HMCN2: variants seen among roughly 807,000 people sequenced by gnomAD.
HMCN2 encodes the protein hemicentin-2.
A neutral mutation model predicts 377.5 loss-of-function variants in HMCN2; 325 were observed. The observed-to-expected ratio is 0.86, with a 90% CI of 0.79 to 0.94. The LOEUF is 0.94. HMCN2 is among the 40% of genes least tolerant of loss of function. HMCN2 has a pLI of 0.00. For synonymous variants in HMCN2, 2,007 were observed against 2,046.8 expected (o/e 0.98, Z 0.53); for missense variants, 4,543 against 4,725.3 (o/e 0.96, Z 1.13).
chr9:130,342,757 A>C (rs945250836), intron 25 of HMCN2, among the ~76,000 whole-genome samples: 71 of 152,156 alleles, frequency 4.7e-4, no homozygotes, highest in Admixed American at 3.9e-3. Flanking sequence ...TGTGATCGCC[A>C]GGGCTGAGGC....
At position 130,377,829 on chromosome 9, in the gene HMCN2, G is replaced by T. The variant is rs566495310; in HGVS notation, c.8212+30G>T. On this transcript the variant is annotated intron_variant, in intron 53 of 97. Transcript: ENST00000683500. ...GTGGCGCCAGTGGGCCAGGGGTGGGGCGTCAGCCAGTGTGAGGACATTGTG... is the reference window on the plus strand; with the variant it reads ...GTGGCGCCAGTGGGCCAGGGGTGGGTCGTCAGCCAGTGTGAGGACATTGTG... 8 of 985,962 alleles carry T rather than the reference G, an allele frequency of 8.1e-6. No individual in the cohort carries two copies. In the South Asian group the frequency reaches 1.4e-4, roughly 17 times the overall value. The allele number at this position is 985,962 out of a possible 1,614,324, so 61.1% of individuals were successfully genotyped here.
In HMCN2 at chr9:130,425,691, T is replaced by C; in HGVS notation, c.13646T>C (p.Phe4549Ser). 6.9e-7 allele frequency: 1 copy of C among 1,449,944 alleles called. No homozygotes were observed. Among genetic ancestry groups the C allele is most frequent in the Non-Finnish European group, 9.3e-7 (1 of 1,080,022 alleles). 89.8% of individuals were successfully genotyped at this position (1,449,944 alleles called of 1,614,324 possible). The change falls in exon 90 of 98, where the codon TTT (phenylalanine) becomes TCT (serine). Residue 4549 changes from phenylalanine (F) to serine (S), a missense_variant. Physicochemically the swap from Phe to Ser is radical, Grantham distance 155. Transcript: ENST00000683500. ...CCCCTCCTCTTCATCCTGCAGGACT[T>C]TGAGGAGCACTACGTGCAAACAGGG... Reference protein sequence around the residue: ...LADADLQVQDFEEHYVQTGPG... With the variant: ...LADADLQVQDSEEHYVQTGPG...
At chr9:130,312,366 G>A (rs1355971395) in intron 15 of HMCN2, among the ~76,000 whole-genome samples, 8 of 151,982 alleles carry the variant, frequency 5.3e-5, no homozygotes, top group Admixed American at 4.6e-4. Context: ...GGTTCTGGGT[G>A]AGCAGATAGG....
chr9:130,288,134 G>C (rs1835521970), intron 4 of HMCN2, among the ~76,000 whole-genome samples: 1 of 152,176 alleles, frequency 6.6e-6, no homozygotes, highest in South Asian at 2.1e-4. Flanking sequence ...ATGGGAACTT[G>C]GTTCCTGCCA....
At chr9:130,375,535 T>C in intron 49 of HMCN2, 28 bp from the exon 50 acceptor site, 1 of 985,484 alleles carries the variant, frequency 1.0e-6, no homozygotes, top group Non-Finnish European at 1.2e-6. Flanking sequence ...TCTCTGCTCA[T>C]AACTGCCTCC....
intron 1 of HMCN2, among the ~76,000 whole-genome samples, chr9:130,267,411 C>G (rs1186506925): frequency 7.5e-6 from 1 of 133,226 alleles, no homozygotes; most frequent in Non-Finnish European, 1.6e-5. Flanking sequence ...AACAAACAAA[C>G]AAACAAACAA....
At chr9:130,278,357 C>T (rs1466409111) in intron 1 of HMCN2, among the ~76,000 whole-genome samples, 2 of 152,046 alleles carry the variant, frequency 1.3e-5, no homozygotes, top group African/African-American at 2.4e-5. Context: ...ATCTCCTGAC[C>T]TCGTGATCCG....
intron 43 of HMCN2, among the ~76,000 whole-genome samples, chr9:130,366,673 C>T (rs1313166125): frequency 2.6e-5 from 4 of 151,848 alleles, no homozygotes; most frequent in African/African-American, 7.3e-5. Flanking sequence ...AGGCTGGTCT[C>T]GAACTCCTGA....
At chr9:130,269,109 G>A (rs782713073) in intron 1 of HMCN2, among the ~76,000 whole-genome samples, 5 of 148,320 alleles carry the variant, frequency 3.4e-5, no homozygotes, top group Non-Finnish European at 6.0e-5. Flanking sequence ...CCCAAGAGGC[G>A]GGTGCGGGGC....
rs1449225916 is a variant in HMCN2, at chr9:130,397,670, G to A, written c.11326+15G>A. Reference sequence around the variant, plus strand: ...ACGGGTCTTGGGTAGGTGGCCTGGGGAAGGCCTTCAGTGTCCAGTCCCTGT... The same window carrying A: ...ACGGGTCTTGGGTAGGTGGCCTGGGAAAGGCCTTCAGTGTCCAGTCCCTGT... On this transcript the variant is annotated intron_variant, in intron 74 of 97. Coordinates refer to ENST00000683500, the MANE Select transcript of HMCN2 (RefSeq NM_001291815.2). The A allele has an allele frequency of 7.8e-7, 1 of 1,289,622 alleles. No individual in the cohort carries two copies. 79.9% of individuals were successfully genotyped at this position (1,289,622 alleles called of 1,614,324 possible).
At position 130,356,256 on chromosome 9, in the gene HMCN2, T is replaced by A; in HGVS notation, c.5424T>A (p.His1808Gln). 1 of 1,294,450 alleles carries A rather than the reference T, an allele frequency of 7.7e-7. No individual in the cohort carries two copies. The highest frequency in any genetic ancestry group is 1.0e-6 in the Non-Finnish European group (1 of 985,772). The allele number at this position is 1,294,450 out of a possible 1,614,324, so 80.2% of individuals were successfully genotyped here. The stretch of plus-strand genomic sequence containing the variant: ...GGGCCGAGGTGGAGGTGTCTGTGCA[T>A]GGTGAGTGGGCGCCTGGGGTTCTGG... ...TAGAEVEVSV[H>Q]EFPSVSIIGG... Residue 1808 changes from histidine to glutamine, a missense_variant and splice_region_variant, in exon 34 of 98, where the codon CAT becomes CAA. Around this residue, in one of 5 missense-constraint regions of HMCN2, gnomAD observed 1,032 missense variants for 1,285.1 expected, o/e 0.80. Transcript: ENST00000683500.
chr9:130,431,200 A>G, intron 95 of HMCN2, 167 bp from the exon 96 acceptor site: 1 of 683,526 alleles, frequency 1.5e-6, no homozygotes, highest in African/African-American at 1.8e-5. Context: ...CAGCAAGCAC[A>G]GGGACTCCCC....
chr9:130,351,718 T>G lies in HMCN2; in HGVS notation c.4585+141T>G. ...CCCTGAGTCCAAGAAAGCTGGGGGC[T>G]GGGGTCGGGGTTGGGGTCAGGGTCA... On this transcript the variant is annotated intron_variant, in intron 30 of 97. Transcript: ENST00000683500. The surrounding 1 kb of genome is among the most constrained non-coding windows in gnomAD (Gnocchi z 5.4). 7 of 522,298 alleles carry G rather than the reference T, an allele frequency of 1.3e-5. No homozygotes were observed. Among genetic ancestry groups the G allele is most frequent in the South Asian group, 2.3e-5 (1 of 43,024 alleles). 32.4% of individuals were successfully genotyped at this position (522,298 alleles called of 1,614,324 possible). A position where few individuals can be genotyped will look rare whatever the true frequency, so the allele number is the denominator to read the frequency against.
At chr9:130,411,598 CAAA>C (rs35719589) in intron 85 of HMCN2, among the ~76,000 whole-genome samples, 1 of 97,780 alleles carries the variant, frequency 1.0e-5, no homozygotes. Context: ...GACTCAATCT[CAAA>C]AAAAAAAAAA....
At chr9:130,342,572 TG>T (rs1839116232) in intron 25 of HMCN2, 136 bp downstream of exon 25, 1 of 152,198 alleles carries the variant, frequency 6.6e-6, no homozygotes, top group Non-Finnish European at 1.5e-5. Context: ...GCATGCCAGG[TG>T]GTTCATCCCA....
At position 130,266,056 on chromosome 9, in the gene HMCN2, G is replaced by T; in HGVS notation, c.178G>T (p.Ala60Ser). Reference protein sequence around the residue: ...WDELMQVIDGASRILERSLSR... With the variant: ...WDELMQVIDGSSRILERSLSR... The stretch of plus-strand genomic sequence containing the variant: ...CGAACTGATGCAGGTGATCGATGGC[G>T]CCTCGCGCATTCTGGAACGCAGTCT... The change falls in exon 1 of 98, where the codon GCC (alanine) becomes TCC (serine). Residue 60 changes from alanine (A) to serine (S), a missense_variant. Transcript: ENST00000683500. 2.1e-6 allele frequency: 1 copy of T among 470,864 alleles called. No homozygotes were observed. The highest frequency in any genetic ancestry group is 4.4e-6 in the Non-Finnish European group (1 of 227,026). The allele number at this position is 470,864 out of a possible 1,614,324, so 29.2% of individuals were successfully genotyped here. A position where few individuals can be genotyped will look rare whatever the true frequency, so the allele number is the denominator to read the frequency against.
At chr9:130,385,969 T>C (rs1366365280) in intron 60 of HMCN2, among the ~76,000 whole-genome samples, 2 of 152,186 alleles carry the variant, frequency 1.3e-5, no homozygotes, top group African/African-American at 4.8e-5. Flanking sequence ...GACCCAGCCC[T>C]GCAGTCATGG....
At chr9:130,366,165 T>C (rs1373574782) in intron 43 of HMCN2, among the ~76,000 whole-genome samples, 170 bp downstream of exon 43, 1 of 152,224 alleles carries the variant, frequency 6.6e-6, no homozygotes, top group African/African-American at 2.4e-5. Context: ...AGCTCCTCTC[T>C]ACTCAGTCCC....
intron 85 of HMCN2, among the ~76,000 whole-genome samples, chr9:130,416,359 C>A (rs1381287158): frequency 1.3e-5 from 2 of 152,174 alleles, no homozygotes; most frequent in African/African-American, 4.8e-5. Context: ...CCCGCCTCGG[C>A]CTCCCAAAGT....
Sources: allele counts gnomAD v4.1 joint callset (sites outside exome capture counted in the v4.1 genomes callset), GRCh38; gene constraint gnomAD v4.1.1; regional missense constraint gnomAD v4.1.1; non-coding constraint Gnocchi (gnomAD v3.1); transcripts MANE v1.5; gene names NCBI Gene and HGNC (gene_info 2026-07-23, HGNC 2026-07-21).